DAB1: variants seen among roughly 807,000 people sequenced by gnomAD.
The protein encoded by DAB1 is DAB adaptor protein 1, also known as disabled homolog 1.
Under a neutral mutation model 64.6 loss-of-function variants are expected in DAB1, and 15 were observed. That is an observed-to-expected ratio of 0.23 (90% CI 0.16 to 0.36). The LOEUF is 0.36. Among genes scored for constraint, DAB1 ranks in the 10% least tolerant of loss-of-function variants. The probability of loss-of-function intolerance (pLI) is 1.00; values close to 1 mark genes in which losing one functional copy is unlikely to be tolerated. For missense variants in DAB1, 596 were observed against 706.7 expected, an observed-to-expected ratio of 0.84 and a Z score of 1.78; for synonymous variants, 235 against 251.9, an observed-to-expected ratio of 0.93 and a Z score of 0.64.
intron 3 of DAB1, among the ~76,000 whole-genome samples, chr1:57,137,079 T>C (rs1658191178): frequency 6.6e-6 from 1 of 152,154 alleles, no homozygotes; most frequent in African/African-American, 2.4e-5. Flanking sequence ...AAAGTTTTCA[T>C]ATGAATCAAT....
intron 1 of DAB1, among the ~76,000 whole-genome samples, chr1:57,829,458 A>C (rs1469655085): frequency 1.3e-5 from 2 of 152,194 alleles, no homozygotes; most frequent in Non-Finnish European, 2.9e-5. Flanking sequence ...CCTATCTTAC[A>C]AGACTGCTAT....
chr1:58,084,968 T>C (rs908330875), intron 5 of DAB1, among the ~76,000 whole-genome samples: 2 of 152,166 alleles, frequency 1.3e-5, no homozygotes, highest in Non-Finnish European at 2.9e-5. Flanking sequence ...GTTAACAGCA[T>C]AGGTGCATTT....
intron 9 of DAB1, among the ~76,000 whole-genome samples, chr1:57,032,919 C>T (rs1006409829): frequency 3.3e-5 from 5 of 152,148 alleles, no homozygotes; most frequent in East Asian, 3.8e-4. Flanking sequence ...GTACTTGGCA[C>T]GTCCTGTTCA....
chr1:57,800,900 T>C lies in DAB1; in HGVS notation n.551+83099A>G, dbSNP rs573895881. On this transcript the variant is annotated intron_variant and non_coding_transcript_variant, in intron 6 of 20. Coordinates refer to the DAB1 transcript ENST00000485760. Reference sequence around the variant, plus strand: ...GGTATTAGGAATTTTAAAAATTTTATGGATTCATTCATTTATTCATCTATA... The same window carrying C: ...GGTATTAGGAATTTTAAAAATTTTACGGATTCATTCATTTATTCATCTATA... 2.6e-5 allele frequency among the ~76,000 whole-genome samples: 4 copies of C among 152,344 alleles called. No individual in the cohort carries two copies. In the East Asian group the frequency reaches 7.7e-4, roughly 29 times the overall value.
intron 6 of DAB1, among the ~76,000 whole-genome samples, chr1:57,695,916 A>T (rs1030079800): frequency 6.6e-5 from 10 of 152,158 alleles, no homozygotes; most frequent in Admixed American, 5.9e-4. Flanking sequence ...AAACAAAAAA[A>T]GGCAAATGGA....
intron 3 of DAB1, among the ~76,000 whole-genome samples, chr1:58,467,169 C>T (rs529796371): frequency 1.3e-5 from 2 of 152,264 alleles, no homozygotes; most frequent in Non-Finnish European, 2.9e-5. Flanking sequence ...GTGATAATGC[C>T]GAACTCCCCA....
chr1:57,466,555 C>T (rs1323436132), intron 7 of DAB1, among the ~76,000 whole-genome samples: 3 of 152,120 alleles, frequency 2.0e-5, no homozygotes, highest in African/African-American at 7.2e-5. Flanking sequence ...ACAAATTCAC[C>T]AGCTTAAAAC....
intron 7 of DAB1, among the ~76,000 whole-genome samples, chr1:57,471,709 C>A (rs1687142768): frequency 6.6e-6 from 1 of 152,206 alleles, no homozygotes; most frequent in African/African-American, 2.4e-5. Flanking sequence ...GAGGCCTCCC[C>A]AGCCACATGG....
intron 4 of DAB1, among the ~76,000 whole-genome samples, chr1:57,098,070 C>T (rs527396): frequency 0.61 from 93,189 of 152,048 alleles, 29,118 homozygotes; most frequent in East Asian, 0.85. Flanking sequence ...AGCCACCGCA[C>T]CCAGCAGGAA....
intron 5 of DAB1, among the ~76,000 whole-genome samples, chr1:58,070,235 A>G (rs1649147399): frequency 6.6e-6 from 1 of 152,232 alleles, no homozygotes; most frequent in Non-Finnish European, 1.5e-5. Context: ...AGTTTACAGA[A>G]GAGAAATCTC....
At chr1:57,668,713 A>G (rs921221750) in intron 6 of DAB1, among the ~76,000 whole-genome samples, 1 of 152,142 alleles carries the variant, frequency 6.6e-6, no homozygotes, top group African/African-American at 2.4e-5. Flanking sequence ...TTAAGACAAA[A>G]GGACACTCTC....
At chr1:57,592,481 G>A (rs564447923) in intron 7 of DAB1, among the ~76,000 whole-genome samples, 3 of 152,074 alleles carry the variant, frequency 2.0e-5, no homozygotes, top group South Asian at 2.1e-4. Context: ...CAGATGCCAC[G>A]TGGGATTCTT....
rs564022603 is a variant in DAB1 at position 57,475,804 on chromosome 1, G to T, written n.625+173788C>A. ...ATTATAGACTGTGAGCTCCTTGAGTGGGGGAACTGTGTCTTGTTATCTTCA... is the reference window on the plus strand; with the variant it reads ...ATTATAGACTGTGAGCTCCTTGAGTTGGGGAACTGTGTCTTGTTATCTTCA... On this transcript the variant is annotated intron_variant and non_coding_transcript_variant, in intron 7 of 20. Transcript: ENST00000485760. 2.0e-5 allele frequency among the ~76,000 whole-genome samples: 3 copies of T among 152,310 alleles called. No homozygotes were observed. In the South Asian group the frequency reaches 6.2e-4, roughly 32 times the overall value.
At chr1:57,954,311 T>C (rs1341461296) in intron 5 of DAB1, among the ~76,000 whole-genome samples, 1 of 152,140 alleles carries the variant, frequency 6.6e-6, no homozygotes, top group Non-Finnish European at 1.5e-5. Context: ...TGGTCTGGCA[T>C]AGAATGGGCA....
At chr1:57,318,155 C>CAAAA (rs3042914) in intron 1 of DAB1, among the ~76,000 whole-genome samples, 228 of 102,974 alleles carry the variant, frequency 2.2e-3, no homozygotes, top group Middle Eastern at 0.02. Context: ...AGCTGCAACT[C>CAAAA]AAAAAAAAAA....
chr1:58,375,509 C>T (rs1290366162), intron 3 of DAB1, among the ~76,000 whole-genome samples: 2 of 143,264 alleles, frequency 1.4e-5, no homozygotes, highest in Non-Finnish European at 3.1e-5. Context: ...ATTGAACCAG[C>T]CTTGCATCCC....
At chr1:57,686,804 A>G (rs930627633) in intron 6 of DAB1, among the ~76,000 whole-genome samples, 1 of 152,204 alleles carries the variant, frequency 6.6e-6, no homozygotes, top group South Asian at 2.1e-4. Flanking sequence ...AGTAAAAATG[A>G]TCATCTCAAT....
chr1:57,125,473 C>T (rs962619910), intron 4 of DAB1, among the ~76,000 whole-genome samples: 1 of 151,626 alleles, frequency 6.6e-6, no homozygotes, highest in African/African-American at 2.4e-5. Flanking sequence ...ATATCTTATA[C>T]ATAGTAGGTA....
At chr1:57,420,612 G>A (rs1350969303) in intron 1 of DAB1, among the ~76,000 whole-genome samples, 1 of 152,204 alleles carries the variant, frequency 6.6e-6, no homozygotes, top group East Asian at 1.9e-4. Flanking sequence ...AATTCCAAAT[G>A]CCATCCACTT....
Sources: allele counts gnomAD v4.1 joint callset (sites outside exome capture counted in the v4.1 genomes callset), GRCh38; gene constraint gnomAD v4.1.1; transcripts MANE v1.5; gene names NCBI Gene and HGNC (gene_info 2026-07-23, HGNC 2026-07-21).